Variants in SIGLECL1 observed in about 807,000 individuals in gnomAD.
SIGLECL1 encodes the protein SIGLEC family-like protein 1.
Under a neutral mutation model 19.1 loss-of-function variants are expected in SIGLECL1, and 16 were observed. That is an observed-to-expected ratio of 0.84 (90% CI 0.57 to 1.27). The LOEUF (loss-of-function observed/expected upper bound fraction) is 1.27, where lower values mean the gene tolerates loss of function less well. SIGLECL1 is among the 50% of genes most tolerant of loss of function. The probability of loss-of-function intolerance (pLI) is 0.00; values close to 1 mark genes in which losing one functional copy is unlikely to be tolerated. For missense variants in SIGLECL1, 210 were observed against 239.4 expected (o/e 0.88, Z 0.81); for synonymous variants, 89 against 90.4 (o/e 0.98, Z 0.09).
chr19:51,263,071 G>GT (rs1214338580), intron 1 of SIGLECL1, among the ~76,000 whole-genome samples: 2 of 152,130 alleles, frequency 1.3e-5, no homozygotes, highest in East Asian at 3.9e-4. Flanking sequence ...GATAATTTTT[G>GT]TATTTTTTGT....
intron 1 of SIGLECL1, among the ~76,000 whole-genome samples, chr19:51,262,872 C>CTATGTATG (rs140962847): frequency 6.6e-6 from 1 of 151,732 alleles, no homozygotes; most frequent in East Asian, 1.9e-4. Flanking sequence ...CTATGAATTA[C>CTATGTATG]TATGTATGTA....
Position 51,258,833 on chromosome 19 carries a change from A to C in SIGLECL1, c.-190-5050A>C, listed in dbSNP as rs144134694. Among the ~76,000 whole-genome samples the C allele has an allele frequency of 3.3e-4, 50 of 152,350 alleles. 1 individual carries two copies. The East Asian group carries it at 9.3e-3, about 28-fold the overall frequency. ...AAAGGTCTCAGTGGAGCACTCTTAG[A>C]AATTAGGTGGAGCAGTGAGAACCTA... On this transcript the variant is annotated intron_variant, in intron 1 of 5. Transcript: ENST00000601727.
intron 3 of SIGLECL1, 52 bp downstream of exon 3, chr19:51,265,701 GA>G: frequency 6.2e-7 from 1 of 1,612,302 alleles, no homozygotes; most frequent in Non-Finnish European, 8.5e-7. Context: ...GCGGGATGGG[GA>G]CAGTCACTGG....
At position 51,265,544 on chromosome 19, in the gene SIGLECL1, A is replaced by C; in HGVS notation, c.199A>C (p.Asn67His). The change falls in exon 3 of 6, where the codon AAC (asparagine) becomes CAC (histidine). Residue 67 changes from asparagine (N) to histidine (H), a missense_variant. Coordinates refer to ENST00000601727, the MANE Select transcript of SIGLECL1 (RefSeq NM_001385465.1). ...VTSTMLGPWA[N>H]STISLTEEPE... The stretch of plus-strand genomic sequence containing the variant: ...TTCCACCATGCTTGGCCCCTGGGCT[A>C]ACAGCACCATCAGCCTAACTGAAGA... The C allele has an allele frequency of 6.2e-7, 1 of 1,614,172 alleles. No homozygotes were observed. Among genetic ancestry groups the C allele is most frequent in the Non-Finnish European group, 8.5e-7 (1 of 1,180,010 alleles).
At chr19:51,267,679 A>G in intron 5 of SIGLECL1, 150 bp downstream of exon 5, 1 of 855,608 alleles carries the variant, frequency 1.2e-6, no homozygotes, top group Non-Finnish European at 1.8e-6. Context: ...CATTTTATAA[A>G]TAGGAAGCTA....
At chr19:51,260,205 C>T (rs1199098430) in intron 1 of SIGLECL1, among the ~76,000 whole-genome samples, 1 of 152,240 alleles carries the variant, frequency 6.6e-6, no homozygotes, top group African/African-American at 2.4e-5. Flanking sequence ...AAACAGACCT[C>T]TTCCTCCCAA....
At chr19:51,266,030 C>A (rs1236489930) in intron 4 of SIGLECL1, 148 bp downstream of exon 4, 8 of 721,494 alleles carry the variant, frequency 1.1e-5, no homozygotes, top group Non-Finnish European at 1.9e-5. Context: ...ATGGTCACCA[C>A]AATCCAGGGC....
chr19:51,261,594 G>T (rs1266925856), intron 1 of SIGLECL1, among the ~76,000 whole-genome samples: 1 of 152,118 alleles, frequency 6.6e-6, no homozygotes, highest in Non-Finnish European at 1.5e-5. Flanking sequence ...GGCCCATTTG[G>T]TTTTTTAACT....
At chr19:51,249,554 G>A (rs754782756), upstream of SIGLECL1, among the ~76,000 whole-genome samples, 1 of 152,142 alleles carries the variant, frequency 6.6e-6, no homozygotes, top group Non-Finnish European at 1.5e-5. Flanking sequence ...GCAGTGGAAG[G>A]GGAACTGCTG....
chr19:51,255,773 A>G (rs935462894), intron 1 of SIGLECL1, among the ~76,000 whole-genome samples: 31 of 152,226 alleles, frequency 2.0e-4, no homozygotes, highest in Non-Finnish European at 8.8e-5. Context: ...TATATCAAGA[A>G]GGCAAAAGAT....
At chr19:51,247,412 T>G (rs1982299770), upstream of SIGLECL1, among the ~76,000 whole-genome samples, 1 of 143,138 alleles carries the variant, frequency 7.0e-6, no homozygotes, top group Non-Finnish European at 1.6e-5. Flanking sequence ...AAAACCACTA[T>G]GTTGCCCAAT....
rs531900429 is a variant in SIGLECL1 at position 51,269,059 on chromosome 19, A to G, written c.*462A>G. 1.2e-5 allele frequency: 2 copies of G among 162,666 alleles called. No homozygotes were observed. Among genetic ancestry groups the G allele is most frequent in the African/African-American group, 4.8e-5 (2 of 41,490 alleles). 10.1% of individuals were successfully genotyped at this position (162,666 alleles called of 1,614,324 possible). A position where few individuals can be genotyped will look rare whatever the true frequency, so the allele number is the denominator to read the frequency against. On this transcript the variant is annotated 3_prime_UTR_variant, in exon 6 of 6. Coordinates refer to ENST00000601727, the MANE Select transcript of SIGLECL1 (RefSeq NM_001385465.1). The stretch of plus-strand genomic sequence containing the variant: ...TGGTGGCTGTCTATCTTTGGACAAG[A>G]TCTTTCATTCCCCATCCTTTGAACA...
upstream of SIGLECL1, among the ~76,000 whole-genome samples, chr19:51,248,828 C>G (rs138214599): frequency 4.5e-4 from 69 of 152,274 alleles, no homozygotes; most frequent in Admixed American, 9.8e-4. Context: ...GGTAAAGTCT[C>G]TACTTAGAGG....
rs1391690759 is a variant in SIGLECL1 at position 51,251,234 on chromosome 19, G to A, written c.-502G>A. On this transcript the variant is annotated 5_prime_UTR_variant, in exon 1 of 6. Coordinates refer to ENST00000601727, the MANE Select transcript of SIGLECL1 (RefSeq NM_001385465.1). The stretch of plus-strand genomic sequence containing the variant: ...CAGTTGTTGGGTTCTGGCGGTTGTT[G>A]GGTCCCTGGCAGTTGTTGGCGGTTG... 3 of 152,830 alleles carry A rather than the reference G, an allele frequency of 2.0e-5. No homozygotes were observed. The highest frequency in any genetic ancestry group is 4.4e-5 in the Non-Finnish European group (3 of 68,522). 9.5% of individuals were successfully genotyped at this position (152,830 alleles called of 1,614,324 possible). A position where few individuals can be genotyped will look rare whatever the true frequency, so the allele number is the denominator to read the frequency against.
Position 51,264,052 on chromosome 19 carries a change from G to A in SIGLECL1, c.-21G>A. The A allele has an allele frequency of 1.9e-6, 3 of 1,613,920 alleles. No homozygotes were observed. Among genetic ancestry groups the A allele is most frequent in the Non-Finnish European group, 2.5e-6 (3 of 1,179,930 alleles). ...AGTAAAGAGCTTCTGCTGTTCCTGA[G>A]AACTGTTGCTGCTGGAAGTGATGCT... On this transcript the variant is annotated 5_prime_UTR_variant, in exon 2 of 6. Transcript: ENST00000601727.
intron 5 of SIGLECL1, among the ~76,000 whole-genome samples, chr19:51,268,202 G>A (rs551221187): frequency 2.4e-4 from 36 of 152,130 alleles, no homozygotes; most frequent in Non-Finnish European, 4.7e-4. Context: ...CCAAACCTAG[G>A]CCTTGTCCTC....
At chr19:51,250,912 A>T (rs116002052), upstream of SIGLECL1, among the ~76,000 whole-genome samples, 5,036 of 152,266 alleles carry the variant, frequency 0.033, 275 homozygotes, top group African/African-American at 0.12. Context: ...TTGGCTGTAG[A>T]AAAAGCTCAT....
chr19:51,251,669 G>A (rs1982490598), intron 1 of SIGLECL1, 124 bp downstream of exon 1: 1 of 152,344 alleles, frequency 6.6e-6, no homozygotes, highest in South Asian at 2.1e-4. Context: ...TCATTGGTTA[G>A]TTAGGCTCCC....
At chr19:51,248,182 T>TTA (rs201627505), upstream of SIGLECL1, among the ~76,000 whole-genome samples, 1 of 81,070 alleles carries the variant, frequency 1.2e-5, no homozygotes, top group Non-Finnish European at 2.3e-5. Context: ...CCCTTCTCTG[T>TTA]CACGTGCTGT....
Sources: allele counts gnomAD v4.1 joint callset (sites outside exome capture counted in the v4.1 genomes callset), GRCh38; gene constraint gnomAD v4.1.1; transcripts MANE v1.5; gene names NCBI Gene and HGNC (gene_info 2026-07-23, HGNC 2026-07-21).